Variants in HPSE2 observed in about 807,000 individuals in gnomAD.
HPSE2 encodes the protein heparanase 2 (inactive), also known as inactive heparanase-2.
In HPSE2, 38 loss-of-function variants were observed where a neutral mutation model predicts 60.5. The observed-to-expected ratio is 0.63, with a 90% CI of 0.48 to 0.82. The LOEUF (loss-of-function observed/expected upper bound fraction) is 0.82, where lower values mean the gene tolerates loss of function less well. HPSE2 is among the 40% of genes least tolerant of loss of function. The probability of loss-of-function intolerance (pLI) is 0.00; values close to 1 mark genes in which losing one functional copy is unlikely to be tolerated. For missense variants in HPSE2, 713 were observed against 740.4 expected (o/e 0.96, Z 0.43); for synonymous variants, 295 against 293.2 (o/e 1.01, Z -0.06).
chr10:99,234,248 C>G (rs1489346658), intron 1 of HPSE2, among the ~76,000 whole-genome samples: 1 of 152,172 alleles, frequency 6.6e-6, no homozygotes, highest in African/African-American at 2.4e-5. Flanking sequence ...AGTCCTCCGG[C>G]TACCTTTCCT....
chr10:98,610,561 G>A (rs1444418207), intron 9 of HPSE2, among the ~76,000 whole-genome samples: 3 of 152,222 alleles, frequency 2.0e-5, no homozygotes, highest in African/African-American at 7.2e-5. Flanking sequence ...GCACTGGGCT[G>A]AAATGAATGT....
chr10:98,608,751 T>A (rs1945665156), intron 9 of HPSE2, among the ~76,000 whole-genome samples: 1 of 151,860 alleles, frequency 6.6e-6, no homozygotes, highest in Non-Finnish European at 1.5e-5. Flanking sequence ...GAGCATTGGG[T>A]TTCACATCAC....
chr10:99,054,768 T>C (rs34876282), intron 3 of HPSE2, among the ~76,000 whole-genome samples: 15,280 of 152,234 alleles, frequency 0.1, 831 homozygotes, highest in South Asian at 0.18. Flanking sequence ...TGGAGTGCAG[T>C]TGTGTAATCT....
chr10:98,523,518 C>T (rs1177866240), intron 9 of HPSE2, among the ~76,000 whole-genome samples: 2 of 152,168 alleles, frequency 1.3e-5, no homozygotes, highest in African/African-American at 2.4e-5. Context: ...TGGAAGATAG[C>T]TTATTGAATC....
intron 9 of HPSE2, among the ~76,000 whole-genome samples, chr10:98,569,113 G>A (rs1944426610): frequency 6.6e-6 from 1 of 151,074 alleles, no homozygotes; most frequent in Non-Finnish European, 1.5e-5. Flanking sequence ...GCCCAGGCTG[G>A]AGTGCAATGG....
At chr10:99,199,715 G>A (rs1365981541) in intron 2 of HPSE2, among the ~76,000 whole-genome samples, 3 of 152,028 alleles carry the variant, frequency 2.0e-5, no homozygotes, top group South Asian at 2.1e-4. Context: ...GACACGTAAC[G>A]CCTCCAGCTT....
intron 3 of HPSE2, among the ~76,000 whole-genome samples, chr10:98,938,480 A>C (rs2135139722): frequency 6.9e-6 from 1 of 144,340 alleles, no homozygotes; most frequent in East Asian, 2.0e-4. Flanking sequence ...ACTGGAAGAA[A>C]GGTTATCAGT....
chr10:99,290,542 T>A, the HPSE2 span, among the ~76,000 whole-genome samples: 5 of 152,176 alleles, frequency 3.3e-5, no homozygotes, highest in Non-Finnish European at 7.3e-5. Flanking sequence ...GAAACAGCTA[T>A]CAGTGGAGCG....
At chr10:98,480,912 C>A (rs913677385) in intron 11 of HPSE2, among the ~76,000 whole-genome samples, 2 of 152,170 alleles carry the variant, frequency 1.3e-5, no homozygotes, top group African/African-American at 4.8e-5. Flanking sequence ...ACACAGATTA[C>A]CTCATTTACT....
At position 98,676,236 on chromosome 10, in the gene HPSE2, C is replaced by G. The variant is rs552600472; in HGVS notation, c.1004+17664G>C. On this transcript the variant is annotated intron_variant, in intron 6 of 11. Transcript: ENST00000370552. ...TGTGCAAGGTCCTAAACCAGTTTCTCAAACTTTCCCTCCTTAGGCAGGGAG... is the reference window on the plus strand; with the variant it reads ...TGTGCAAGGTCCTAAACCAGTTTCTGAAACTTTCCCTCCTTAGGCAGGGAG... 4.6e-5 allele frequency among the ~76,000 whole-genome samples: 7 copies of G among 152,298 alleles called. No individual in the cohort carries two copies. The South Asian group carries it at 1.0e-3, about 23-fold the overall frequency.
At chr10:98,514,940 T>G (rs1406448890) in intron 9 of HPSE2, among the ~76,000 whole-genome samples, 2 of 151,812 alleles carry the variant, frequency 1.3e-5, no homozygotes, top group Non-Finnish European at 2.9e-5. Context: ...GCCAGACTGG[T>G]CTCGAGCTCC....
intron 3 of HPSE2, among the ~76,000 whole-genome samples, chr10:98,792,818 G>A (rs1950687183): frequency 6.6e-6 from 1 of 152,134 alleles, no homozygotes; most frequent in Non-Finnish European, 1.5e-5. Flanking sequence ...TACTCAGAGA[G>A]ACATTTAATA....
At chr10:99,254,620 A>C in the HPSE2 span, among the ~76,000 whole-genome samples, 1 of 152,234 alleles carries the variant, frequency 6.6e-6, no homozygotes, top group African/African-American at 2.4e-5. Context: ...TCTTGACTGA[A>C]AATAGCTAAT....
chr10:98,965,680 T>C (rs1955796077), intron 3 of HPSE2, among the ~76,000 whole-genome samples: 1 of 152,190 alleles, frequency 6.6e-6, no homozygotes, highest in Non-Finnish European at 1.5e-5. Flanking sequence ...CTACCTACTC[T>C]ATGAAGTCTT....
intron 7 of HPSE2, among the ~76,000 whole-genome samples, chr10:98,629,210 G>A (rs1412872473): frequency 6.6e-6 from 1 of 152,200 alleles, no homozygotes; most frequent in African/African-American, 2.4e-5. Context: ...CTGGCAGGAG[G>A]CCCACCCTCC....
intron 2 of HPSE2, among the ~76,000 whole-genome samples, chr10:99,207,546 A>C (rs1171064749): frequency 6.6e-6 from 1 of 152,182 alleles, no homozygotes; most frequent in Non-Finnish European, 1.5e-5. Context: ...TGCTTACAAG[A>C]CAAAATTACT....
chr10:98,806,794 A>AT (rs1010112702), intron 3 of HPSE2, among the ~76,000 whole-genome samples: 6 of 152,116 alleles, frequency 3.9e-5, no homozygotes, highest in Admixed American at 3.3e-4. Flanking sequence ...GCCTTTAAAG[A>AT]TTTTTTTTAA....
chr10:98,881,536 C>G (rs1163494189), intron 3 of HPSE2, among the ~76,000 whole-genome samples: 1 of 151,986 alleles, frequency 6.6e-6, no homozygotes, highest in African/African-American at 2.4e-5. Context: ...GAAAGATAAA[C>G]TAGGATTTTA....
At chr10:98,652,680 A>G (rs759228108) in intron 6 of HPSE2, among the ~76,000 whole-genome samples, 2 of 152,224 alleles carry the variant, frequency 1.3e-5, no homozygotes, top group African/African-American at 2.4e-5. Context: ...TACAAGGTCT[A>G]CATGACTGGT....
Sources: gnomAD v4.1 joint callset for allele counts (sites outside exome capture counted in the v4.1 genomes callset) on GRCh38, gnomAD v4.1.1 for gene constraint, MANE v1.5 for transcripts, NCBI Gene and HGNC (gene_info 2026-07-23, HGNC 2026-07-21) for gene names.